The following MSMB variants were observed in gnomAD, a reference collection of about 807,000 sequenced individuals.
MSMB encodes the protein microseminoprotein beta.
A neutral mutation model predicts 10.5 loss-of-function variants in MSMB; 10 were observed. The observed-to-expected ratio is 0.95, with a 90% CI of 0.59 to 1.62. The LOEUF is 1.62. Among genes scored for constraint, MSMB ranks in the 40% most tolerant of loss-of-function variants. The pLI, the probability that MSMB is intolerant of heterozygous loss-of-function variation, is 0.00. For missense variants in MSMB, 126 were observed against 137.4 expected, an observed-to-expected ratio of 0.92 and a Z score of 0.42; for synonymous variants, 43 against 46.5, an observed-to-expected ratio of 0.93 and a Z score of 0.30.
chr10:46,038,277 G>A (rs375712845), intron 3 of MSMB, among the ~76,000 whole-genome samples: 1 of 151,898 alleles, frequency 6.6e-6, no homozygotes. Flanking sequence ...TTTACGTTAC[G>A]TATATTTTAC....
At position 46,033,661 on chromosome 10, in the gene MSMB, C is replaced by T. The variant is rs1840520266; in HGVS notation, c.216-110G>A. On this transcript the variant is annotated intron_variant, in intron 3 of 3. Transcript: ENST00000582163. Reference sequence around the variant, plus strand: ...CACCCACACTCCAACTTAAGGGCACCCTTTGGCTGGCAGCCCCAGAGTGTG... The same window carrying T: ...CACCCACACTCCAACTTAAGGGCACTCTTTGGCTGGCAGCCCCAGAGTGTG... 4.0e-6 allele frequency: 6 copies of T among 1,506,406 alleles called. No homozygotes were observed. The South Asian group carries it at 7.5e-5, about 19-fold the overall frequency. 93.3% of individuals were successfully genotyped at this position (1,506,406 alleles called of 1,614,324 possible).
At chr10:46,040,582 T>A (rs998410029) in intron 1 of MSMB, among the ~76,000 whole-genome samples, 2 of 152,242 alleles carry the variant, frequency 1.3e-5, no homozygotes, top group African/African-American at 4.8e-5. Context: ...CTTTAACTTA[T>A]AAGCAAAGTC....
chr10:46,040,055 A>G lies in MSMB; in HGVS notation c.40T>C (p.Phe14Leu). ...CATGATGCATTGCATAAAGTCACGA[A>G]GGTGGCAAAGATCACAACGCTGCCC... Reference protein sequence around the residue: ...LLGSVVIFATFVTLCNASCYF... With the variant: ...LLGSVVIFATLVTLCNASCYF... Residue 14 changes from phenylalanine (F) to leucine (L), a missense_variant, in exon 2 of 4, where the codon TTC (phenylalanine) becomes CTC (leucine). Coordinates refer to ENST00000582163, the MANE Select transcript of MSMB (RefSeq NM_002443.4). The G allele has an allele frequency of 6.2e-7, 1 of 1,613,974 alleles. No individual in the cohort carries two copies. The highest frequency in any genetic ancestry group is 1.3e-5 in the African/African-American group (1 of 75,068).
intron 3 of MSMB, among the ~76,000 whole-genome samples, chr10:46,038,266 T>G (rs913618430): frequency 3.3e-5 from 5 of 152,266 alleles, no homozygotes; most frequent in African/African-American, 1.2e-4. Flanking sequence ...ACATGGTACA[T>G]TTTACGTTAC....
chr10:46,043,843 T>C (rs782187422), intron 1 of MSMB, among the ~76,000 whole-genome samples: 1 of 151,994 alleles, frequency 6.6e-6, no homozygotes, highest in Non-Finnish European at 1.5e-5. Context: ...CCTGGCTAAT[T>C]TTTGTATTTG....
chr10:46,046,093 G>A (rs1840889716), intron 1 of MSMB, 142 bp downstream of exon 1: 3 of 850,132 alleles, frequency 3.5e-6, no homozygotes, highest in Non-Finnish European at 5.8e-6. Flanking sequence ...TCTGCACATT[G>A]AATTGCAGGT....
rs1840858601 is a variant in MSMB, at chr10:46,044,977, A to G, written c.3+1258T>C. 2.0e-5 allele frequency among the ~76,000 whole-genome samples: 3 copies of G among 152,072 alleles called. No homozygotes were observed. In the South Asian group the frequency reaches 6.2e-4, roughly 32 times the overall value. ...CCTCCCACCCCACTGTTGTTTTACC[A>G]TCCCCAGTTCTGCCTCCGGACAGTT... On this transcript the variant is annotated intron_variant, in intron 1 of 3. Coordinates refer to ENST00000582163, the MANE Select transcript of MSMB (RefSeq NM_002443.4).
intron 3 of MSMB, among the ~76,000 whole-genome samples, chr10:46,034,019 C>A (rs1840532570): frequency 6.6e-6 from 1 of 152,172 alleles, no homozygotes; most frequent in Non-Finnish European, 1.5e-5. Flanking sequence ...AAGTCAGAGA[C>A]CACCTCTAAT....
intron 1 of MSMB, among the ~76,000 whole-genome samples, chr10:46,042,233 GA>G (rs1231092415): frequency 1.3e-5 from 2 of 151,990 alleles, no homozygotes; most frequent in Non-Finnish European, 2.9e-5. Context: ...AATGGGAGAA[GA>G]AAAACATCTT....
rs1207161229 is a variant in MSMB, at chr10:46,038,949, A to C, written c.215+17T>G. ...CAGCTATGTCCCCCTCTTGGCCAGC[A>C]CTGGCTTGAGACTTACAGGGTGCAA... On this transcript the variant is annotated intron_variant, in intron 3 of 3. Coordinates refer to ENST00000582163, the MANE Select transcript of MSMB (RefSeq NM_002443.4). 1.9e-6 allele frequency: 3 copies of C among 1,609,232 alleles called. No individual in the cohort carries two copies. In the Admixed American group the frequency reaches 5.0e-5, roughly 27 times the overall value.
Position 46,045,623 on chromosome 10 carries a change from T to A in MSMB, c.3+612A>T, listed in dbSNP as rs188269698. Reference sequence around the variant, plus strand: ...AGTGAAAAGGGCCTAGGGAAATGGTTCCCAAACTTGAGTATTAAAATGACC... The same window carrying A: ...AGTGAAAAGGGCCTAGGGAAATGGTACCCAAACTTGAGTATTAAAATGACC... On this transcript the variant is annotated intron_variant, in intron 1 of 3. Transcript: ENST00000582163. Among the ~76,000 whole-genome samples, 267 of 152,308 alleles carry A rather than the reference T, an allele frequency of 1.8e-3. 2 individuals are homozygous for A. The highest frequency in any genetic ancestry group is 3.1e-3 in the Non-Finnish European group (211 of 68,030).
chr10:46,042,222 C>G (rs942140791), intron 1 of MSMB, among the ~76,000 whole-genome samples: 1 of 151,820 alleles, frequency 6.6e-6, no homozygotes, highest in Non-Finnish European at 1.5e-5. Context: ...CATTACATAC[C>G]AATGGGAGAA....
intron 3 of MSMB, among the ~76,000 whole-genome samples, chr10:46,036,889 G>C (rs1356318056): frequency 6.6e-6 from 1 of 152,162 alleles, no homozygotes; most frequent in Admixed American, 6.5e-5. Flanking sequence ...CACCTGGCTG[G>C]GATACAATCA....
At chr10:46,034,824 C>CAA (rs782032418) in intron 3 of MSMB, among the ~76,000 whole-genome samples, 4 of 107,438 alleles carry the variant, frequency 3.7e-5, no homozygotes, top group African/African-American at 3.5e-5. Flanking sequence ...GATTCCATCT[C>CAA]AAAAAAAAAA....
In MSMB at chr10:46,040,003, G is replaced by C. The variant is rs1840704734; in HGVS notation, c.92C>G (p.Pro31Arg). ...AGACTTACTCCTGGTTGAATCTCCT[G>C]GAACTCCCTCATTAGGTATGAAATA... Reference protein sequence around the residue: ...SCYFIPNEGVPGDSTRKCMDL... With the variant: ...SCYFIPNEGVRGDSTRKCMDL... Residue 31 changes from proline to arginine, a missense_variant, in exon 2 of 4, where the codon CCA becomes CGA. Transcript: ENST00000582163. The C allele has an allele frequency of 4.3e-6, 7 of 1,613,774 alleles. No individual in the cohort carries two copies. The highest frequency in any genetic ancestry group is 5.9e-6 in the Non-Finnish European group (7 of 1,179,714).
chr10:46,034,727 A>C (rs1840559371), intron 3 of MSMB, among the ~76,000 whole-genome samples: 1 of 151,764 alleles, frequency 6.6e-6, no homozygotes, highest in African/African-American at 2.4e-5. Context: ...CAGGAGGCTG[A>C]GACAGGAGAA....
chr10:46,037,068 G>A (rs1276392964), intron 3 of MSMB, among the ~76,000 whole-genome samples: 1 of 152,170 alleles, frequency 6.6e-6, no homozygotes, highest in Non-Finnish European at 1.5e-5. Flanking sequence ...GTTCCATTAG[G>A]CACCTAGCAT....
chr10:46,044,576 A>G (rs1433450102), intron 1 of MSMB, among the ~76,000 whole-genome samples: 4 of 44,802 alleles, frequency 8.9e-5, no homozygotes, highest in South Asian at 5.2e-4. Flanking sequence ...TCCGTCTCAG[A>G]AAAAAAAAAA....
intron 3 of MSMB, among the ~76,000 whole-genome samples, chr10:46,038,524 G>A (rs539010792): frequency 2.6e-5 from 4 of 152,180 alleles, no homozygotes; most frequent in South Asian, 2.1e-4. Flanking sequence ...TCCTGACCTC[G>A]TGATCCGCCC....
Sources: allele counts gnomAD v4.1 joint callset (sites outside exome capture counted in the v4.1 genomes callset), GRCh38; gene constraint gnomAD v4.1.1; transcripts MANE v1.5; gene names NCBI Gene and HGNC (gene_info 2026-07-23, HGNC 2026-07-21).